The following CCDC88C variants were observed in gnomAD, a reference collection of about 807,000 sequenced individuals.
CCDC88C encodes the protein coiled-coil and HOOK domain protein 88C.
A neutral mutation model predicts 198.8 loss-of-function variants in CCDC88C; 131 were observed. The ratio of observed to expected loss-of-function variants is 0.66; its 90% CI spans 0.57 to 0.76. The LOEUF (loss-of-function observed/expected upper bound fraction) is 0.76. Ranked by LOEUF, CCDC88C falls within the 30% of genes least tolerant of loss-of-function variation. The pLI, the probability that CCDC88C is intolerant of heterozygous loss-of-function variation, is 0.00. For missense variants in CCDC88C, 2,553 were observed against 2,631.6 expected (o/e 0.97, Z 0.65); for synonymous variants, 1,166 against 1,114.7 (o/e 1.05, Z -0.92).
In CCDC88C at chr14:91,338,100, G is replaced by A. The variant is rs776504122; in HGVS notation, c.955C>T (p.Arg319Trp). Reference protein sequence around the residue: ...RAYRDELDSLREKANRVERLE... With the variant: ...RAYRDELDSLWEKANRVERLE... Reference sequence around the variant, plus strand: ...CTCTCCACGCGGTTCGCCTTCTCCCGCAGGGAATCCAGCTCGTCTCGATAG... The same window carrying A: ...CTCTCCACGCGGTTCGCCTTCTCCCACAGGGAATCCAGCTCGTCTCGATAG... Residue 319 changes from arginine (R) to tryptophan (W), a missense_variant, in exon 10 of 30, where the codon CGG becomes TGG. Arg to Trp is a moderately radical substitution (Grantham distance 101). Around this residue, in one of 2 missense-constraint regions of CCDC88C, gnomAD observed 1,260 missense variants for 1,412.0 expected, o/e 0.89. Coordinates refer to ENST00000389857, the MANE Select transcript of CCDC88C (RefSeq NM_001080414.4). This position sits in a 1 kb window ranked among gnomAD's most constrained non-coding sequence, Gnocchi z 4.8. 1.8e-5 allele frequency: 29 copies of A among 1,613,770 alleles called. No individual in the cohort carries two copies. Among genetic ancestry groups the A allele is most frequent in the African/African-American group, 4.0e-5 (3 of 74,930 alleles).
chr14:91,384,992 A>G (rs1567113569), intron 3 of CCDC88C, among the ~76,000 whole-genome samples: 1 of 152,192 alleles, frequency 6.6e-6, no homozygotes, highest in Admixed American at 6.5e-5. Flanking sequence ...CATTCTCCCC[A>G]TGAAGAAATG....
intron 4 of CCDC88C, among the ~76,000 whole-genome samples, chr14:91,354,922 A>G (rs1893976626): frequency 6.6e-6 from 1 of 152,230 alleles, no homozygotes; most frequent in South Asian, 2.1e-4. Flanking sequence ...GGGAAAGCAG[A>G]GCAGAACAAA....
In CCDC88C at chr14:91,292,049, G is replaced by C. The variant is rs981610328; in HGVS notation, c.4113-965C>G. Among the ~76,000 whole-genome samples the C allele has an allele frequency of 2.0e-5, 3 of 152,206 alleles. No homozygotes were observed. In the East Asian group the frequency reaches 5.8e-4, roughly 29 times the overall value. Reference sequence around the variant, plus strand: ...CCTTGGTTTCCTCGTCTGAAAACGAGGCCTTACATGAGAGGTAACAGCTCA... The same window carrying C: ...CCTTGGTTTCCTCGTCTGAAAACGACGCCTTACATGAGAGGTAACAGCTCA... On this transcript the variant is annotated intron_variant, in intron 23 of 29. Transcript: ENST00000389857.
intron 3 of CCDC88C, among the ~76,000 whole-genome samples, chr14:91,397,456 A>C (rs1488162033): frequency 6.6e-6 from 1 of 151,780 alleles, no homozygotes; most frequent in Non-Finnish European, 1.5e-5. Context: ...ACACACTCAC[A>C]CACACTCTCA....
At chr14:91,298,052 TTA>T (rs1022629685) in intron 21 of CCDC88C, among the ~76,000 whole-genome samples, 1 of 152,176 alleles carries the variant, frequency 6.6e-6, no homozygotes. Context: ...CTCTGGAGAT[TTA>T]TATCAGAAAG....
intron 3 of CCDC88C, among the ~76,000 whole-genome samples, chr14:91,406,579 AG>A (rs1348304136): frequency 6.6e-6 from 1 of 152,232 alleles, no homozygotes; most frequent in East Asian, 1.9e-4. Flanking sequence ...AGGCTGGGTT[AG>A]GGGGTCTTGC....
chr14:91,298,244 C>T (rs184955871), intron 21 of CCDC88C, among the ~76,000 whole-genome samples: 2 of 152,070 alleles, frequency 1.3e-5, no homozygotes, highest in East Asian at 1.9e-4. Context: ...CCAGCCTAGG[C>T]GACATAGTGA....
chr14:91,288,027 G>A lies in CCDC88C; in HGVS notation c.4441+1078C>T, dbSNP rs547903345. 9.8e-5 allele frequency among the ~76,000 whole-genome samples: 15 copies of A among 152,286 alleles called. No individual in the cohort carries two copies. The highest frequency in any genetic ancestry group is 2.6e-4 in the Admixed American group (4 of 15,294). ...CAGTCACCACTGGCCAGGTGGCCACGGTGACAAAACTGACATGGTCATAAC... is the reference window on the plus strand; with the variant it reads ...CAGTCACCACTGGCCAGGTGGCCACAGTGACAAAACTGACATGGTCATAAC... On this transcript the variant is annotated intron_variant, in intron 25 of 29. Transcript: ENST00000389857. This position sits in a 1 kb window ranked among gnomAD's most constrained non-coding sequence, Gnocchi z 4.2.
intron 29 of CCDC88C, 93 bp downstream of exon 29, chr14:91,277,828 AC>A: frequency 1.5e-6 from 2 of 1,376,968 alleles, no homozygotes; most frequent in Non-Finnish European, 1.9e-6. Flanking sequence ...AGGCCACGCC[AC>A]CCCCACCCCA....
At position 91,284,332 on chromosome 14, in the gene CCDC88C, C is replaced by T. The variant is rs747988059; in HGVS notation, c.4442-815G>A. ...TTCTCCACCCATCAAGCCGTCTGCCCTCCCAGCCACTCAAAGTCTGGGCTC... is the reference window on the plus strand; with the variant it reads ...TTCTCCACCCATCAAGCCGTCTGCCTTCCCAGCCACTCAAAGTCTGGGCTC... On this transcript the variant is annotated intron_variant, in intron 25 of 29. Transcript: ENST00000389857. The surrounding 1 kb of genome is among the most constrained non-coding windows in gnomAD (Gnocchi z 4.1). 6.6e-6 allele frequency among the ~76,000 whole-genome samples: 1 copy of T among 152,176 alleles called. No individual in the cohort carries two copies.
At chr14:91,323,416 T>A (rs1892439601) in intron 12 of CCDC88C, among the ~76,000 whole-genome samples, 1 of 152,186 alleles carries the variant, frequency 6.6e-6, no homozygotes, top group African/African-American at 2.4e-5. Flanking sequence ...GTAAGGAAAC[T>A]AAAGTTTTAA....
In CCDC88C at chr14:91,293,448, CA is replaced by C. The variant is rs1164307112; in HGVS notation, c.4112+724del. ...GGCCCACCTTCCCGTCCTCACCTGC[CA>C]CGGTCCACCTTCCCATCCTCACCTG... On this transcript the variant is annotated intron_variant, in intron 23 of 29. Transcript: ENST00000389857. 6.4e-4 allele frequency among the ~76,000 whole-genome samples: 80 copies of C among 124,172 alleles called. 3 individuals carry two copies. Among genetic ancestry groups the C allele is most frequent in the Middle Eastern group, 5.7e-3 (1 of 174 alleles). 81.5% of individuals were successfully genotyped at this position (124,172 alleles called of 152,430 possible).
At chr14:91,306,917 A>G (rs575894636) in intron 18 of CCDC88C, 121 bp downstream of exon 18, 12 of 1,119,706 alleles carry the variant, frequency 1.1e-5, no homozygotes, top group Admixed American at 5.8e-5. Flanking sequence ...GACGTGTCCA[A>G]CTAGATCTGG....
At chr14:91,302,556 C>A (rs1891345910) in intron 20 of CCDC88C, among the ~76,000 whole-genome samples, 2 of 152,272 alleles carry the variant, frequency 1.3e-5, no homozygotes, top group Non-Finnish European at 1.5e-5. Flanking sequence ...ATACAAAACC[C>A]AAGACCATGA....
At chr14:91,386,038 G>A (rs1410482961) in intron 3 of CCDC88C, among the ~76,000 whole-genome samples, 1 of 152,096 alleles carries the variant, frequency 6.6e-6, no homozygotes, top group African/African-American at 2.4e-5. Flanking sequence ...TAACATCCCA[G>A]GGCCTCATTA....
In CCDC88C at chr14:91,305,825, T is replaced by G; in HGVS notation, c.3297A>C (p.Lys1099Asn). The change falls in exon 19 of 30, where the codon AAA becomes AAC. Residue 1099 changes from lysine (K) to asparagine (N), a missense_variant. Lys to Asn is a moderately conservative substitution (Grantham distance 94, BLOSUM62 0). Transcript: ENST00000389857. ...TFSSQILTLQKQSAFLQEHNT... is the reference protein window; with the variant it reads ...TFSSQILTLQNQSAFLQEHNT... The stretch of plus-strand genomic sequence containing the variant: ...TGTGCTCCTGCAGGAAGGCGCTCTG[T>G]TTCTGCAGTGTCAAGATCTGGCTGC... 2 of 1,613,996 alleles carry G rather than the reference T, an allele frequency of 1.2e-6. No homozygotes were observed. The highest frequency in any genetic ancestry group is 8.5e-7 in the Non-Finnish European group (1 of 1,179,874).
rs894169503 is a variant in CCDC88C at position 91,316,163 on chromosome 14, T to A, written c.1528-376A>T. On this transcript the variant is annotated intron_variant, in intron 13 of 29. Coordinates refer to ENST00000389857, the MANE Select transcript of CCDC88C (RefSeq NM_001080414.4). ...GCTGCTCAAGTGGCCCTCTGTTATA[T>A]CTCTTCCTCTTTCACCTCCATGGAA... Among the ~76,000 whole-genome samples, 81 of 152,100 alleles carry A rather than the reference T, an allele frequency of 5.3e-4. 1 individual carries two copies. Among genetic ancestry groups the A allele is most frequent in the African/African-American group, 2.0e-3 (81 of 41,400 alleles).
chr14:91,281,571 T>C (rs759818807), intron 26 of CCDC88C, 46 bp from the exon 27 acceptor site: 16 of 1,583,018 alleles, frequency 1.0e-5, no homozygotes, highest in Non-Finnish European at 1.3e-5. Context: ...GGAACATGCC[T>C]CATCCACAGG....
At chr14:91,389,523 G>C (rs191192575) in intron 3 of CCDC88C, among the ~76,000 whole-genome samples, 12 of 152,248 alleles carry the variant, frequency 7.9e-5, no homozygotes, top group Admixed American at 7.2e-4. Context: ...GGAGTACCTT[G>C]GCTGCTGGGG....
Sources: gnomAD v4.1 joint callset for allele counts (sites outside exome capture counted in the v4.1 genomes callset) on GRCh38, gnomAD v4.1.1 for gene constraint, gnomAD v4.1.1 regional missense constraint, Gnocchi (gnomAD v3.1) non-coding constraint, MANE v1.5 for transcripts, NCBI Gene and HGNC (gene_info 2026-07-23, HGNC 2026-07-21) for gene names.